The following DCLK2 variants were observed in gnomAD, a reference collection of about 807,000 sequenced individuals.
The protein encoded by DCLK2 is doublecortin like kinase 2, also known as serine/threonine-protein kinase DCLK2.
In DCLK2, 31 loss-of-function variants were observed where a neutral mutation model predicts 78.4. That is an observed-to-expected ratio of 0.40 (90% CI 0.30 to 0.53). The LOEUF (loss-of-function observed/expected upper bound fraction) is 0.53, where lower values mean the gene tolerates loss of function less well. DCLK2 is among the 20% of genes least tolerant of loss of function. The pLI is 0.61. For missense variants in DCLK2, 872 were observed against 973.7 expected (o/e 0.90, Z 1.39); for synonymous variants, 407 against 374.9 (o/e 1.09, Z -0.99).
At chr4:150,104,063 A>G (rs1341687140) in intron 2 of DCLK2, among the ~76,000 whole-genome samples, 8 of 152,146 alleles carry the variant, frequency 5.3e-5, no homozygotes, top group Admixed American at 3.9e-4. Flanking sequence ...GGGAAGACAC[A>G]TATAGAGACA....
chr4:150,106,522 ACTGT>A (rs149364948), intron 2 of DCLK2, among the ~76,000 whole-genome samples: 4,167 of 152,270 alleles, frequency 0.027, 151 homozygotes, highest in African/African-American at 0.092. Context: ...AAAATTGTAA[ACTGT>A]CTGCCTAAAT....
intron 5 of DCLK2, among the ~76,000 whole-genome samples, chr4:150,214,804 A>C (rs1299671311): frequency 6.6e-6 from 1 of 152,024 alleles, no homozygotes; most frequent in Admixed American, 6.6e-5. Flanking sequence ...TCTACTAAAA[A>C]TACAAAAATT....
chr4:150,249,760 C>A, intron 15 of DCLK2, 76 bp downstream of exon 15: 1 of 1,198,996 alleles, frequency 8.3e-7, no homozygotes, highest in Non-Finnish European at 1.2e-6. Context: ...CCGGGAGCTG[C>A]CCTCACATGG....
intron 2 of DCLK2, among the ~76,000 whole-genome samples, chr4:150,135,794 A>C (rs1051129009): frequency 5.3e-5 from 8 of 152,228 alleles, no homozygotes; most frequent in Admixed American, 4.6e-4. Context: ...AACATTTTTC[A>C]TAGTGAAAAG....
chr4:150,182,417 G>A lies in DCLK2; in HGVS notation c.757-10721G>A, dbSNP rs7670178. On this transcript the variant is annotated intron_variant, in intron 2 of 15. Coordinates refer to ENST00000296550, the MANE Select transcript of DCLK2 (RefSeq NM_001040260.4). Reference sequence around the variant, plus strand: ...TTTAAGAAAAATGGAGTGGGAAAGAGTCATGTCTGGAATAACGTTAGTTAC... The same window carrying A: ...TTTAAGAAAAATGGAGTGGGAAAGAATCATGTCTGGAATAACGTTAGTTAC... Among the ~76,000 whole-genome samples the A allele has an allele frequency of 5.3e-3, 802 of 152,198 alleles. 9 individuals carry two copies. The highest frequency in any genetic ancestry group is 0.019 in the African/African-American group (772 of 41,526).
At chr4:150,234,883 C>T (rs1244680107) in intron 10 of DCLK2, among the ~76,000 whole-genome samples, 1 of 152,166 alleles carries the variant, frequency 6.6e-6, no homozygotes, top group Non-Finnish European at 1.5e-5. Flanking sequence ...AGGCTTCTCG[C>T]CCATTGGGAC....
intron 2 of DCLK2, among the ~76,000 whole-genome samples, chr4:150,123,116 G>C (rs1192209847): frequency 2.6e-5 from 4 of 152,180 alleles, no homozygotes; most frequent in Admixed American, 2.6e-4. Context: ...AACTAAAGTA[G>C]CAATTTTAAT....
chr4:150,078,822 T>C lies in DCLK2; in HGVS notation c.-206T>C, dbSNP rs1184523173. 1 of 559,406 alleles carries C rather than the reference T, an allele frequency of 1.8e-6. No individual in the cohort carries two copies. The highest frequency in any genetic ancestry group is 2.0e-5 in the African/African-American group (1 of 50,028). The allele number at this position is 559,406 out of a possible 1,614,324, so 34.7% of individuals were successfully genotyped here. A position where few individuals can be genotyped will look rare whatever the true frequency, so the allele number is the denominator to read the frequency against. ...CGCACTGGACAATGACCTGGGCAGC[T>C]CGGCGCTGCGGACACTTTTAGCTGA... On this transcript the variant is annotated 5_prime_UTR_variant, in exon 1 of 16. Transcript: ENST00000296550.
At chr4:150,251,629 A>C (rs1580809943) in intron 15 of DCLK2, among the ~76,000 whole-genome samples, 1 of 23,488 alleles carries the variant, frequency 4.3e-5, no homozygotes, top group Non-Finnish European at 7.8e-5. Context: ...ACATACCTCC[A>C]CACACCCCAC....
chr4:150,125,586 C>G (rs1207604672), intron 2 of DCLK2, among the ~76,000 whole-genome samples: 1 of 152,072 alleles, frequency 6.6e-6, no homozygotes, highest in Non-Finnish European at 1.5e-5. Context: ...AAATGACTAT[C>G]TAAAAATAGT....
rs542882368 is a variant in DCLK2 at position 150,232,726 on chromosome 4, T to G, written c.1464T>G (p.Thr488=). ...FDAITSSTKY[T]ERDGSAMVYN... ...CAATTACTTCGTCGACCAAGTACAC[T>G]GAGAGAGATGGCAGTGCCATGGTGT... Residue 488 remains threonine, a synonymous_variant, in exon 10 of 16, where the codon ACT becomes ACG. Transcript: ENST00000296550. The G allele has an allele frequency of 3.1e-6, 5 of 1,614,086 alleles. No individual in the cohort carries two copies. The highest frequency in any genetic ancestry group is 3.4e-6 in the Non-Finnish European group (4 of 1,179,938).
chr4:150,135,495 A>C (rs77169957), intron 2 of DCLK2, among the ~76,000 whole-genome samples: 3,571 of 152,324 alleles, frequency 0.023, 53 homozygotes, highest in Middle Eastern at 0.037. Flanking sequence ...GCAATTGGTC[A>C]TTAAGACCCA....
At chr4:150,161,228 G>A (rs1735685636) in intron 2 of DCLK2, among the ~76,000 whole-genome samples, 1 of 152,116 alleles carries the variant, frequency 6.6e-6, no homozygotes, top group Non-Finnish European at 1.5e-5. Context: ...CCCAGATACA[G>A]GCTATCTTTT....
At chr4:150,122,586 C>T (rs1342998151) in intron 2 of DCLK2, among the ~76,000 whole-genome samples, 1 of 152,054 alleles carries the variant, frequency 6.6e-6, no homozygotes, top group Non-Finnish European at 1.5e-5. Flanking sequence ...GGGAACATCA[C>T]ACACCAGGGC....
intron 2 of DCLK2, among the ~76,000 whole-genome samples, chr4:150,130,360 G>A (rs557623597): frequency 6.6e-5 from 10 of 152,170 alleles, no homozygotes; most frequent in African/African-American, 2.4e-4. Flanking sequence ...GGAAGTGTTC[G>A]TGAAGAAATA....
chr4:150,246,946 AAGTC>A (rs1196776702), intron 12 of DCLK2, among the ~76,000 whole-genome samples: 2 of 152,054 alleles, frequency 1.3e-5, no homozygotes, highest in African/African-American at 4.8e-5. Context: ...GCTTAAATGA[AAGTC>A]AGTTTCCAAG....
At chr4:150,226,509 T>A (rs1028757702) in intron 8 of DCLK2, among the ~76,000 whole-genome samples, 2 of 149,818 alleles carry the variant, frequency 1.3e-5, no homozygotes, top group Non-Finnish European at 2.9e-5. Context: ...ACATTAAAAA[T>A]TTTTTCAAAA....
chr4:150,201,612 A>T (rs1053415259), intron 4 of DCLK2, among the ~76,000 whole-genome samples: 2 of 152,192 alleles, frequency 1.3e-5, no homozygotes, highest in Non-Finnish European at 2.9e-5. Flanking sequence ...CAGGGGATGT[A>T]TAAGGAGACT....
At chr4:150,180,962 G>A (rs1387387936) in intron 2 of DCLK2, among the ~76,000 whole-genome samples, 1 of 152,116 alleles carries the variant, frequency 6.6e-6, no homozygotes, top group Non-Finnish European at 1.5e-5. Context: ...CCAGGAGGAG[G>A]GACTGCTGCA....
Sources: allele counts gnomAD v4.1 joint callset (sites outside exome capture counted in the v4.1 genomes callset), GRCh38; gene constraint gnomAD v4.1.1; transcripts MANE v1.5; gene names NCBI Gene and HGNC (gene_info 2026-07-23, HGNC 2026-07-21).